The following NOC2L variants were observed in gnomAD, a reference collection of about 807,000 sequenced individuals.
The protein encoded by NOC2L is NOC2 like nucleolar associated transcriptional repressor.
NOC2L carries 101 observed loss-of-function variants against 94.2 expected under a neutral mutation model. The observed-to-expected ratio is 1.07, with a 90% CI of 0.91 to 1.26. The LOEUF (loss-of-function observed/expected upper bound fraction) is 1.26. NOC2L is among the 50% of genes most tolerant of loss of function. The pLI, the probability that NOC2L is intolerant of heterozygous loss-of-function variation, is 0.00. For missense variants in NOC2L, 1,076 were observed against 980.1 expected (o/e 1.10, Z -1.31); for synonymous variants, 531 against 413.4 (o/e 1.28, Z -3.45).
At chr1:952,643 T>C in intron 9 of NOC2L, 43 bp from the exon 10 acceptor site, 3 of 1,599,246 alleles carry the variant, frequency 1.9e-6, no homozygotes, top group Non-Finnish European at 2.6e-6. Context: ...ATCAGGGCCA[T>C]GCACCTCCAC....
At chr1:949,381 C>T (rs767855699) in intron 12 of NOC2L, among the ~76,000 whole-genome samples, 6 of 152,206 alleles carry the variant, frequency 3.9e-5, no homozygotes, top group Non-Finnish European at 5.9e-5. Context: ...GATGGGAAAA[C>T]GCCCTGGTAC....
At chr1:958,826 G>A (rs559184260) in intron 2 of NOC2L, 103 bp downstream of exon 2, 1 of 1,210,350 alleles carries the variant, frequency 8.3e-7, no homozygotes, top group East Asian at 2.4e-5. Flanking sequence ...GCAGAGGTCG[G>A]CGATCCTTAG....
At chr1:953,419 GC>G (rs2100390915) in intron 8 of NOC2L, 131 bp from the exon 9 acceptor site, 1 of 638,328 alleles carries the variant, frequency 1.6e-6, no homozygotes, top group East Asian at 2.7e-5. Flanking sequence ...CCTCGGGGGA[GC>G]CGTGAGTTAG....
chr1:944,735 C>A lies in NOC2L; in HGVS notation c.2209G>T (p.Glu737Ter). 1 of 1,601,014 alleles carries A rather than the reference C, an allele frequency of 6.2e-7. No homozygotes were observed. The highest frequency in any genetic ancestry group is 1.7e-4 in the Middle Eastern group (1 of 5,878). The change falls in exon 19 of 19, where the codon GAG becomes TAG. Residue 737 changes from glutamate to a stop codon, truncating the protein, a stop_gained. Transcript: ENST00000327044. LOFTEE classifies it high-confidence loss of function. The stretch of plus-strand genomic sequence containing the variant: ...AGCTGCAGATCCTCCAGCTCGTCCT[C>A]CGGCCCCTGGGCCAGCTGCTGCAGC... ...GELQQLAQGP[E>*]DELEDLQLSE...
In NOC2L at chr1:952,612, C is replaced by T; in HGVS notation, c.1003-12G>A. The T allele has an allele frequency of 6.2e-7, 1 of 1,613,352 alleles. No individual in the cohort carries two copies. Among genetic ancestry groups the T allele is most frequent in the South Asian group, 1.1e-5 (1 of 91,076 alleles). ...GTGATGTACATTTGCTGCGGAGAGA[C>T]CCGGGTCAGAGCCACCTGGGATCAG... On this transcript the variant is annotated splice_polypyrimidine_tract_variant and intron_variant, in intron 9 of 18. Coordinates refer to ENST00000327044, the MANE Select transcript of NOC2L (RefSeq NM_015658.4).
In NOC2L at chr1:957,165, G is replaced by C. The variant is rs780315678; in HGVS notation, c.288C>G (p.Asn96Lys). 9 of 1,613,986 alleles carry C rather than the reference G, an allele frequency of 5.6e-6. No individual in the cohort carries two copies. The South Asian group carries it at 8.8e-5, about 16-fold the overall frequency. ...FLQENDQSLL[N>K]FSDSDSSEEE... ...CCTCAGAGCTGTCCGAGTCGCTGAA[G>C]TTTAGCAGGCTCTGGTCATTCTCCT... The change falls in exon 3 of 19, where the codon AAC (asparagine) becomes AAG (lysine). Residue 96 changes from asparagine to lysine, a missense_variant. This residue lies in a region of NOC2L where 457 missense variants were observed against 386.0 expected (regional missense o/e 1.18). Coordinates refer to ENST00000327044, the MANE Select transcript of NOC2L (RefSeq NM_015658.4).
In NOC2L at chr1:959,048, T is replaced by C. The variant is rs748113064; in HGVS notation, c.60A>G (p.Leu20=). Residue 20 remains leucine, a synonymous_variant, in exon 2 of 19, where the codon CTA becomes CTG. Transcript: ENST00000327044. ...CGGACTCGGAGTCAAAGCCCGAAGCTAGGAACTCGTCCACCGTCAGCTCCG... is the reference window on the plus strand; with the variant it reads ...CGGACTCGGAGTCAAAGCCCGAAGCCAGGAACTCGTCCACCGTCAGCTCCG... The part of the protein sequence containing the change: ...RLAELTVDEF[L]ASGFDSESES... The C allele has an allele frequency of 6.2e-7, 1 of 1,611,088 alleles. No homozygotes were observed. Among genetic ancestry groups the C allele is most frequent in the South Asian group, 1.1e-5 (1 of 90,986 alleles).
chr1:957,050 G>A (rs761534697), intron 3 of NOC2L, 25 bp from the exon 4 acceptor site: 6 of 1,614,046 alleles, frequency 3.7e-6, no homozygotes, highest in East Asian at 2.2e-5. Context: ...TGAGCTGAAG[G>A]AGAGTGTAGA....
chr1:956,970 G>A lies in NOC2L; in HGVS notation c.410C>T (p.Pro137Leu). Residue 137 changes from proline to leucine, a missense_variant, in exon 4 of 19, where the codon CCC becomes CTC. Pro to Leu is a moderately conservative substitution (Grantham distance 98, BLOSUM62 -3). This residue lies in a region of NOC2L where 457 missense variants were observed against 386.0 expected (regional missense o/e 1.18). Transcript: ENST00000327044. ...ATTCTTCTTCCCCTTCAGCCCTCTG[G>A]GGACTCTGTCCCCATCTTCTCCTTC... ...AEEGEDGDRVPRGLKGKKNSV... is the reference protein window; with the variant it reads ...AEEGEDGDRVLRGLKGKKNSV... 6.2e-7 allele frequency: 1 copy of A among 1,614,072 alleles called. No individual in the cohort carries two copies. Among genetic ancestry groups the A allele is most frequent in the Non-Finnish European group, 8.5e-7 (1 of 1,180,022 alleles).
chr1:949,474 G>A (rs922643646), intron 12 of NOC2L, among the ~76,000 whole-genome samples: 43 of 152,338 alleles, frequency 2.8e-4, no homozygotes, highest in Non-Finnish European at 5.0e-4. Context: ...TCCAGGCACC[G>A]GGGAAGGGCA....
intron 16 of NOC2L, among the ~76,000 whole-genome samples, chr1:945,931 C>T (rs1295458708): frequency 6.6e-6 from 1 of 152,234 alleles, no homozygotes; most frequent in Non-Finnish European, 1.5e-5. Flanking sequence ...GCCTCCAGCC[C>T]ATCAGGCCTG....
rs760801783 is a variant in NOC2L, at chr1:945,083, CCCT to C, written c.2114_2116del (p.Glu705del). 2.9e-5 allele frequency: 46 copies of C among 1,614,028 alleles called. No homozygotes were observed. The South Asian group carries it at 2.9e-4, about 10-fold the overall frequency. ...CTCCGAGTTGCTGCTGTCCTCCTCG[CCCT>C]CCTCCTCGTCCTCTTCATCGTCTTC... On this transcript the variant is annotated inframe_deletion, in exon 18 of 19. Transcript: ENST00000327044.
At chr1:951,636 C>T (rs1642263255) in intron 11 of NOC2L, among the ~76,000 whole-genome samples, 2 of 152,252 alleles carry the variant, frequency 1.3e-5, no homozygotes, top group East Asian at 1.9e-4. Context: ...TGCCTGGACC[C>T]TCCTAAGCGC....
chr1:948,365 A>C (rs1443666072), intron 13 of NOC2L, 125 bp downstream of exon 13: 1 of 1,032,748 alleles, frequency 9.7e-7, no homozygotes, highest in Non-Finnish European at 1.5e-6. Context: ...CCTGGGCCCC[A>C]GCCCTGGGAG....
At chr1:955,520 G>C (rs769050986) in intron 6 of NOC2L, among the ~76,000 whole-genome samples, 6 of 152,196 alleles carry the variant, frequency 3.9e-5, no homozygotes, top group South Asian at 2.1e-4. Context: ...GCATTGATGA[G>C]GCCCCTGTCT....
chr1:954,116 C>T (rs533504168), intron 6 of NOC2L, 34 bp from the exon 7 acceptor site: 9 of 1,602,606 alleles, frequency 5.6e-6, no homozygotes, highest in Non-Finnish European at 7.7e-6. Context: ...GGCTGGGAGG[C>T]CCCACGGCTC....
rs115258275 is a variant in NOC2L at position 949,606 on chromosome 1, T to C, written c.1444-1003A>G. On this transcript the variant is annotated intron_variant, in intron 12 of 18. Coordinates refer to ENST00000327044, the MANE Select transcript of NOC2L (RefSeq NM_015658.4). ...GTGCGGCTGCAGTGAACCAGGGCAG[T>C]GCACAAGTGAAGAAACAGACACTGC... 4.9e-3 allele frequency among the ~76,000 whole-genome samples: 751 copies of C among 152,300 alleles called. 5 individuals carry two copies. Among genetic ancestry groups the C allele is most frequent in the African/African-American group, 0.017 (723 of 41,562 alleles).
At chr1:952,728 T>G in intron 9 of NOC2L, 128 bp from the exon 10 acceptor site, 1 of 899,492 alleles carries the variant, frequency 1.1e-6, no homozygotes, top group Non-Finnish European at 1.7e-6. Flanking sequence ...CCGTAGCCCC[T>G]TGCACAGCCC....
chr1:946,207 C>T lies in NOC2L; in HGVS notation c.1883G>A (p.Arg628Gln), dbSNP rs150197742. Residue 628 changes from arginine to glutamine, a missense_variant, in exon 16 of 19, where the codon CGG (arginine) becomes CAG (glutamine). This residue lies in a region of NOC2L where 615 missense variants were observed against 577.4 expected (regional missense o/e 1.07). Transcript: ENST00000327044. Reference protein sequence around the residue: ...YYSHWRKLRDREIQLEISGKE... With the variant: ...YYSHWRKLRDQEIQLEISGKE... ...GCCACTGATCTCCAGCTGGATCTCC[C>T]GGTCACGCAGCTTGCGCCAGTGGCT... 400 of 1,613,314 alleles carry T rather than the reference C, an allele frequency of 2.5e-4. No individual in the cohort carries two copies. The highest frequency in any genetic ancestry group is 3.3e-4 in the Middle Eastern group (2 of 6,018).
Sources: allele counts gnomAD v4.1 joint callset (sites outside exome capture counted in the v4.1 genomes callset), GRCh38; gene constraint gnomAD v4.1.1; regional missense constraint gnomAD v4.1.1; transcripts MANE v1.5; gene names NCBI Gene and HGNC (gene_info 2026-07-23, HGNC 2026-07-21).